The following B3GAT2 variants were observed in gnomAD, a reference collection of about 807,000 sequenced individuals.
B3GAT2 encodes the protein galactosylgalactosylxylosylprotein 3-beta-glucuronosyltransferase 2.
A neutral mutation model predicts 27.8 loss-of-function variants in B3GAT2; 26 were observed. That is an observed-to-expected ratio of 0.93 (90% CI 0.68 to 1.30). B3GAT2 has a LOEUF of 1.30. Ranked by LOEUF, B3GAT2 falls within the 50% of genes most tolerant of loss-of-function variation. The pLI is 0.00. For synonymous variants in B3GAT2, 218 were observed against 195.1 expected, an observed-to-expected ratio of 1.12 and a Z score of -0.98; for missense variants, 458 against 459.0, an observed-to-expected ratio of 1.00 and a Z score of 0.02.
At chr6:70,913,449 T>G (rs944588582) in intron 1 of B3GAT2, among the ~76,000 whole-genome samples, 2 of 152,222 alleles carry the variant, frequency 1.3e-5, no homozygotes, top group African/African-American at 2.4e-5. Flanking sequence ...CTGCCTTAAT[T>G]TCATTGTTTA....
chr6:70,893,898 G>A lies in B3GAT2; in HGVS notation c.736+230C>T, dbSNP rs113397566. On this transcript the variant is annotated intron_variant, in intron 2 of 3. Transcript: ENST00000230053. Reference sequence around the variant, plus strand: ...TTGTGGGATAAAGGCACAGACAGGGGACAAAATGGAACAGAAAGGGCATTT... The same window carrying A: ...TTGTGGGATAAAGGCACAGACAGGGAACAAAATGGAACAGAAAGGGCATTT... Among the ~76,000 whole-genome samples, 975 of 152,214 alleles carry A rather than the reference G, an allele frequency of 6.4e-3. 9 individuals carry two copies. The highest frequency in any genetic ancestry group is 0.023 in the African/African-American group (941 of 41,506).
rs148078862 is a variant in B3GAT2 at position 70,890,267 on chromosome 6, C to T, written c.736+3861G>A. ...CCTTGTCTCTTTCCCTGGCTCCCCCCCTGCAGTCACTTTAAATGCCTGCCC... is the reference window on the plus strand; with the variant it reads ...CCTTGTCTCTTTCCCTGGCTCCCCCTCTGCAGTCACTTTAAATGCCTGCCC... On this transcript the variant is annotated intron_variant, in intron 2 of 3. Coordinates refer to ENST00000230053, the MANE Select transcript of B3GAT2 (RefSeq NM_080742.3). Among the ~76,000 whole-genome samples the T allele has an allele frequency of 7.2e-5, 11 of 152,192 alleles. 1 individual carries two copies. The South Asian group carries it at 8.3e-4, about 11-fold the overall frequency.
chr6:70,937,566 G>T (rs1582393392), intron 1 of B3GAT2, among the ~76,000 whole-genome samples: 1 of 152,210 alleles, frequency 6.6e-6, no homozygotes, highest in East Asian at 1.9e-4. Context: ...GATCAAGTGG[G>T]CTTCATCCCT....
intron 1 of B3GAT2, among the ~76,000 whole-genome samples, chr6:70,947,566 C>A (rs1210688340): frequency 1.7e-4 from 26 of 151,874 alleles, no homozygotes; most frequent in African/African-American, 5.1e-4. Context: ...CAATAACAGG[C>A]TCTGAAATTG....
chr6:70,857,700 C>CTTAA lies in B3GAT2; in HGVS notation c.*3959_*3962dup, dbSNP rs1164022801. ...TGGCTGTTGCATATGATTTACATTT[C>CTTAA]TTAATTAAATTTACTCAGGTTAATA... On this transcript the variant is annotated 3_prime_UTR_variant, in exon 4 of 4. Coordinates refer to ENST00000230053, the MANE Select transcript of B3GAT2 (RefSeq NM_080742.3). 1.8e-6 allele frequency: 1 copy of CTTAA among 548,540 alleles called. No individual in the cohort carries two copies. Among genetic ancestry groups the CTTAA allele is most frequent in the Non-Finnish European group, 3.2e-6 (1 of 309,126 alleles). 34.0% of individuals were successfully genotyped at this position (548,540 alleles called of 1,614,324 possible).
At chr6:70,940,272 A>G (rs978006470) in intron 1 of B3GAT2, among the ~76,000 whole-genome samples, 1 of 152,150 alleles carries the variant, frequency 6.6e-6, no homozygotes, top group Non-Finnish European at 1.5e-5. Flanking sequence ...TGTTTGCAAA[A>G]AGAGAAGCAA....
At chr6:70,902,631 T>TACACACACAC (rs1182910631) in intron 1 of B3GAT2, among the ~76,000 whole-genome samples, 14 of 142,680 alleles carry the variant, frequency 9.8e-5, no homozygotes, top group African/African-American at 3.9e-4. Flanking sequence ...TATATATATA[T>TACACACACAC]ATATATACAC....
At chr6:70,927,233 T>G (rs1338292331) in intron 1 of B3GAT2, among the ~76,000 whole-genome samples, 2 of 152,304 alleles carry the variant, frequency 1.3e-5, no homozygotes, top group Admixed American at 6.5e-5. Context: ...GGCCAAATTG[T>G]AAAGACCATC....
At chr6:70,919,289 T>A (rs753640078) in intron 1 of B3GAT2, among the ~76,000 whole-genome samples, 1 of 152,244 alleles carries the variant, frequency 6.6e-6, no homozygotes, top group Non-Finnish European at 1.5e-5. Context: ...TGTATTCTAG[T>A]TAGCCATTCA....
chr6:70,928,213 A>G (rs1403753443), intron 1 of B3GAT2, among the ~76,000 whole-genome samples: 1 of 152,216 alleles, frequency 6.6e-6, no homozygotes, highest in East Asian at 1.9e-4. Context: ...ATAGCACTAA[A>G]TGCCCACAAG....
intron 1 of B3GAT2, among the ~76,000 whole-genome samples, chr6:70,929,954 T>C (rs928905895): frequency 1.3e-5 from 2 of 152,196 alleles, no homozygotes; most frequent in Non-Finnish European, 2.9e-5. Context: ...ATTATAAGGC[T>C]ACAGTAACCA....
intron 1 of B3GAT2, among the ~76,000 whole-genome samples, chr6:70,920,679 T>G (rs1035460497): frequency 6.6e-6 from 1 of 152,246 alleles, no homozygotes; most frequent in African/African-American, 2.4e-5. Context: ...GTCATCATGA[T>G]GTCAGCTGGA....
intron 1 of B3GAT2, among the ~76,000 whole-genome samples, chr6:70,897,607 G>A (rs565256462): frequency 6.7e-6 from 1 of 149,792 alleles, no homozygotes; most frequent in South Asian, 2.1e-4. Flanking sequence ...GGTGTGGTGG[G>A]GAACACCTGT....
chr6:70,868,786 G>A (rs1011953461), intron 2 of B3GAT2, among the ~76,000 whole-genome samples: 7 of 151,978 alleles, frequency 4.6e-5, no homozygotes, highest in Admixed American at 6.6e-5. Context: ...TATACACACA[G>A]TGCAGTCATG....
Position 70,860,333 on chromosome 6 carries a change from G to GA in B3GAT2, c.*1329dup, listed in dbSNP as rs751371401. The GA allele has an allele frequency of 1.2e-6, 2 of 1,604,604 alleles. No homozygotes were observed. The highest frequency in any genetic ancestry group is 1.7e-5 in the Admixed American group (1 of 57,434). ...ACTCTCAGCACACAACTGTGGAAAT[G>GA]AAAACTGCAATACAAGTTTCATCCA... is the stretch of plus-strand genomic sequence containing the variant. On this transcript the variant is annotated 3_prime_UTR_variant, in exon 4 of 4. Transcript: ENST00000230053.
chr6:70,857,188 G>GAA lies in B3GAT2; in HGVS notation c.*4473_*4474dup. 1.5e-6 allele frequency: 1 copy of GAA among 653,120 alleles called. No individual in the cohort carries two copies. The highest frequency in any genetic ancestry group is 4.9e-5 in the South Asian group (1 of 20,262). 40.5% of individuals were successfully genotyped at this position (653,120 alleles called of 1,614,324 possible). A position where few individuals can be genotyped will look rare whatever the true frequency, so the allele number is the denominator to read the frequency against. ...ATGAAGCCGAAATGAATGAGCATTAGAATTAAAAAATTAAGAGGCATGTAC... is the reference window on the plus strand; with the variant it reads ...ATGAAGCCGAAATGAATGAGCATTAGAAAATTAAAAAATTAAGAGGCATGTAC... On this transcript the variant is annotated 3_prime_UTR_variant, in exon 4 of 4. Transcript: ENST00000230053.
chr6:70,952,994 G>A (rs1247114037), intron 1 of B3GAT2, among the ~76,000 whole-genome samples: 2 of 152,120 alleles, frequency 1.3e-5, no homozygotes, highest in African/African-American at 4.8e-5. Flanking sequence ...TACTTACGGA[G>A]CTAATTTGTA....
chr6:70,928,959 C>G (rs1286646635), intron 1 of B3GAT2, among the ~76,000 whole-genome samples: 1 of 152,120 alleles, frequency 6.6e-6, no homozygotes, highest in Admixed American at 6.6e-5. Context: ...TGGAACCAAA[C>G]CAAATGTCCA....
intron 2 of B3GAT2, among the ~76,000 whole-genome samples, chr6:70,871,561 G>A (rs1771938615): frequency 6.6e-6 from 1 of 151,746 alleles, no homozygotes; most frequent in Non-Finnish European, 1.5e-5. Flanking sequence ...ATTTATGTAA[G>A]GTTGGTATTA....
Sources: allele counts gnomAD v4.1 joint callset (sites outside exome capture counted in the v4.1 genomes callset), GRCh38; gene constraint gnomAD v4.1.1; transcripts MANE v1.5; gene names NCBI Gene and HGNC (gene_info 2026-07-23, HGNC 2026-07-21).